Variants in OXR1 observed in about 807,000 individuals in gnomAD.
OXR1 encodes the protein oxidation resistance 1.
Under a neutral mutation model 104.6 loss-of-function variants are expected in OXR1, and 41 were observed. That is an observed-to-expected ratio of 0.39 (90% confidence interval 0.31 to 0.51). The LOEUF (loss-of-function observed/expected upper bound fraction) is 0.51, where lower values mean the gene tolerates loss of function less well. Among genes scored for constraint, OXR1 ranks in the 20% least tolerant of loss-of-function variants. The pLI, the probability that OXR1 is intolerant of heterozygous loss-of-function variation, is 0.77. For synonymous variants in OXR1, 348 were observed against 348.4 expected, an observed-to-expected ratio of 1.00 and a Z score of 0.01; for missense variants, 955 against 1,031.9, an observed-to-expected ratio of 0.93 and a Z score of 1.02.
intron 2 of OXR1, among the ~76,000 whole-genome samples, chr8:106,414,549 A>G (rs1275231781): frequency 6.6e-6 from 1 of 152,182 alleles, no homozygotes; most frequent in African/African-American, 2.4e-5. Flanking sequence ...TATCTATACT[A>G]CTTAAATTAT....
At chr8:106,525,386 A>G (rs897702972) in intron 3 of OXR1, among the ~76,000 whole-genome samples, 1 of 152,174 alleles carries the variant, frequency 6.6e-6, no homozygotes, top group South Asian at 2.1e-4. Context: ...ACCCAGTTTA[A>G]TGTAATTGCA....
At chr8:106,306,333 C>T (rs895202177) in intron 1 of OXR1, among the ~76,000 whole-genome samples, 6 of 152,032 alleles carry the variant, frequency 3.9e-5, no homozygotes, top group Admixed American at 1.3e-4. Flanking sequence ...TTAAAGCTTC[C>T]GGTATCCATT....
In OXR1 at chr8:106,666,209, T is replaced by G. The variant is rs1826310328; in HGVS notation, c.221-13001T>G. 2.6e-5 allele frequency among the ~76,000 whole-genome samples: 4 copies of G among 152,224 alleles called. No individual in the cohort carries two copies. The South Asian group carries it at 8.3e-4, about 31-fold the overall frequency. ...GAGAGGTAGGTTTTACATTTTAAAC[T>G]ATAGATTTTAGATAGTTACGACTCT... On this transcript the variant is annotated intron_variant, in intron 3 of 16. Transcript: ENST00000517566.
chr8:106,545,286 G>T (rs967204225), intron 3 of OXR1, among the ~76,000 whole-genome samples: 1 of 152,168 alleles, frequency 6.6e-6, no homozygotes, highest in Non-Finnish European at 1.5e-5. Context: ...GTGATTGATT[G>T]TCTGAAAACA....
intron 3 of OXR1, among the ~76,000 whole-genome samples, chr8:106,527,562 A>G (rs1195498913): frequency 6.6e-6 from 1 of 152,212 alleles, no homozygotes; most frequent in East Asian, 1.9e-4. Context: ...CCTGCCTAGA[A>G]TAGTGATACC....
chr8:106,581,037 C>T, intron 3 of OXR1: 1 of 1,086,374 alleles, frequency 9.2e-7, no homozygotes, highest in South Asian at 2.5e-5. Flanking sequence ...CAGAGGAAGA[C>T]AAGTGGGAAG....
At chr8:106,739,375 G>T in intron 12 of OXR1, 83 bp from the exon 13 acceptor site, 1 of 1,255,060 alleles carries the variant, frequency 8.0e-7, no homozygotes, top group South Asian at 1.3e-5. Context: ...ACGATATAAA[G>T]CTTTATTTAT....
At chr8:106,588,232 T>A (rs1033284715) in intron 3 of OXR1, among the ~76,000 whole-genome samples, 1 of 152,074 alleles carries the variant, frequency 6.6e-6, no homozygotes, top group Non-Finnish European at 1.5e-5. Flanking sequence ...GTGCTGGAAT[T>A]ACAGGCATGA....
chr8:106,704,293 G>A (rs1259245239), intron 8 of OXR1, among the ~76,000 whole-genome samples: 1 of 146,006 alleles, frequency 6.8e-6, no homozygotes, highest in African/African-American at 2.6e-5. Context: ...TCAAAGAAGA[G>A]GAAGGATATA....
chr8:106,408,188 C>G (rs1194905453), intron 2 of OXR1, among the ~76,000 whole-genome samples: 1 of 152,274 alleles, frequency 6.6e-6, no homozygotes, highest in African/African-American at 2.4e-5. Context: ...GTTTTAGATA[C>G]TTGCCAAAGC....
intron 3 of OXR1, among the ~76,000 whole-genome samples, chr8:106,553,984 A>G (rs754715995): frequency 7.2e-5 from 11 of 152,356 alleles, no homozygotes; most frequent in East Asian, 3.9e-4. Flanking sequence ...AGTCATTTAT[A>G]TATGAGTTTT....
chr8:106,464,382 A>C (rs1157900914), intron 2 of OXR1, among the ~76,000 whole-genome samples: 1 of 152,112 alleles, frequency 6.6e-6, no homozygotes, highest in African/African-American at 2.4e-5. Flanking sequence ...TCCTAGACCG[A>C]AAATATTAAT....
chr8:106,666,955 A>T (rs1563683946), intron 3 of OXR1, among the ~76,000 whole-genome samples: 1 of 152,190 alleles, frequency 6.6e-6, no homozygotes, highest in African/African-American at 2.4e-5. Flanking sequence ...TTTAATGTAA[A>T]TTAATTTAAT....
At chr8:106,431,768 A>T (rs1819370004) in intron 2 of OXR1, among the ~76,000 whole-genome samples, 1 of 152,232 alleles carries the variant, frequency 6.6e-6, no homozygotes, top group Non-Finnish European at 1.5e-5. Flanking sequence ...AGAGAAAATA[A>T]AGCATAAATA....
In OXR1 at chr8:106,625,470, A is replaced by G. The variant is rs1822070030; in HGVS notation, c.221-53740A>G. 2.0e-5 allele frequency among the ~76,000 whole-genome samples: 3 copies of G among 152,240 alleles called. No individual in the cohort carries two copies. In the South Asian group the frequency reaches 6.2e-4, roughly 31 times the overall value. ...AAAAGAATTGCTGCAATGAATGAAA[A>G]ACAGGCAACCTTGGTTTGTTCTAAT... On this transcript the variant is annotated intron_variant, in intron 3 of 16. Coordinates refer to ENST00000517566, the MANE Select transcript of OXR1 (RefSeq NM_001198533.2).
intron 1 of OXR1, among the ~76,000 whole-genome samples, chr8:106,346,021 T>C: frequency 6.6e-6 from 1 of 152,130 alleles, no homozygotes; most frequent in South Asian, 2.1e-4. Flanking sequence ...TAAAACTATG[T>C]AAGATAGATG....
chr8:106,695,849 G>A (rs1436645042), intron 7 of OXR1, among the ~76,000 whole-genome samples: 1 of 151,950 alleles, frequency 6.6e-6, no homozygotes, highest in Non-Finnish European at 1.5e-5. Context: ...TTTTAGAGCA[G>A]TTTTAAATGG....
chr8:106,698,689 TCA>T (rs1377710057), intron 7 of OXR1, among the ~76,000 whole-genome samples: 1 of 152,188 alleles, frequency 6.6e-6, no homozygotes, highest in Admixed American at 6.5e-5. Flanking sequence ...ATATTTCATC[TCA>T]CACATTGCAA....
chr8:106,610,679 G>A (rs1356169350), intron 3 of OXR1, among the ~76,000 whole-genome samples: 1 of 152,020 alleles, frequency 6.6e-6, no homozygotes, highest in African/African-American at 2.4e-5. Flanking sequence ...CTTTTCCCCT[G>A]CTCCCAACTA....
Sources: allele counts gnomAD v4.1 joint callset (sites outside exome capture counted in the v4.1 genomes callset), GRCh38; gene constraint gnomAD v4.1.1; transcripts MANE v1.5; gene names NCBI Gene and HGNC (gene_info 2026-07-23, HGNC 2026-07-21).